The following TTLL10 variants were observed in gnomAD, a reference collection of about 807,000 sequenced individuals.
TTLL10 encodes tubulin tyrosine ligase like 10.
In TTLL10, 61 loss-of-function variants were observed where a neutral mutation model predicts 69.0. The ratio of observed to expected loss-of-function variants is 0.88; its 90% CI spans 0.72 to 1.09. The LOEUF (loss-of-function observed/expected upper bound fraction) is 1.09, where lower values mean the gene tolerates loss of function less well. Ranked by LOEUF, TTLL10 falls within the 50% of genes least tolerant of loss-of-function variation. The pLI, the probability that TTLL10 is intolerant of heterozygous loss-of-function variation, is 0.00. For synonymous variants in TTLL10, 408 were observed against 393.3 expected, an observed-to-expected ratio of 1.04 and a Z score of -0.44; for missense variants, 962 against 945.9, an observed-to-expected ratio of 1.02 and a Z score of -0.22.
rs558964318 is a variant in TTLL10 at position 1,197,195 on chromosome 1, C to T, written c.1612+9C>T. 32 of 1,548,464 alleles carry T rather than the reference C, an allele frequency of 2.1e-5. 1 individual carries two copies. In the South Asian group the frequency reaches 2.7e-4, roughly 13 times the overall value. ...GGTCATCGAGACCCTGGGTGAGCCT[C>T]CAAGCCCCCACCCCACACCCCCACA... On this transcript the variant is annotated intron_variant, in intron 15 of 15. Transcript: ENST00000379289.
At position 1,180,514 on chromosome 1, in the gene TTLL10, C is replaced by T. The variant is rs1026734125; in HGVS notation, c.538C>T (p.Gln180Ter). The T allele has an allele frequency of 5.2e-6, 8 of 1,552,526 alleles. No individual in the cohort carries two copies. The African/African-American group carries it at 6.8e-5, about 13-fold the overall frequency. Residue 180 changes from glutamine to a stop codon, truncating the protein, a stop_gained, in exon 7 of 16, where the codon CAG (glutamine) becomes TAG (stop). Transcript: ENST00000379289. LOFTEE classifies it high-confidence loss of function. ...ISSYCKSKGW[Q>*]RIHDSRRDDY... ...CTCCTACTGCAAAAGCAAGGGCTGGCAGCGCATCCATGACAGCCGCCGGGA... is the reference window on the plus strand; with the variant it reads ...CTCCTACTGCAAAAGCAAGGGCTGGTAGCGCATCCATGACAGCCGCCGGGA...
chr1:1,180,212 T>G lies in TTLL10; in HGVS notation c.378T>G (p.Asp126Glu). Residue 126 changes from aspartate to glutamate, a missense_variant, in exon 6 of 16, where the codon GAT (aspartate) becomes GAG (glutamate). Physicochemically the swap from Asp to Glu is conservative, Grantham distance 45 (BLOSUM62 2). Coordinates refer to ENST00000379289, the MANE Select transcript of TTLL10 (RefSeq NM_001130045.2). The part of the protein sequence containing the change: ...LLNSHRPADS[D>E]DTNAAGPSAA... ...ACAGCCACCGGCCTGCAGACTCGGA[T>G]GACACTAACGCCGCCGGGCCCTCAG... The G allele has an allele frequency of 1.2e-6, 2 of 1,610,858 alleles. No homozygotes were observed. Among genetic ancestry groups the G allele is most frequent in the Non-Finnish European group, 8.5e-7 (1 of 1,179,244 alleles).
Position 1,183,029 on chromosome 1 carries a change from A to T in TTLL10, c.1070A>T (p.Gln357Leu). ...CACAAGACGCCGTTCCGGGGGCCTCAGGCGCGGGTGGTGCAGAGGTGCGGC... is the reference window on the plus strand; with the variant it reads ...CACAAGACGCCGTTCCGGGGGCCTCTGGCGCGGGTGGTGCAGAGGTGCGGC... ...IHHKTPFRGP[Q>L]ARVVQRYIQN... The change falls in exon 11 of 16, where the codon CAG becomes CTG. Residue 357 changes from glutamine (Q) to leucine (L), a missense_variant. Transcript: ENST00000379289. 1 of 1,607,362 alleles carries T rather than the reference A, an allele frequency of 6.2e-7. No individual in the cohort carries two copies. Among genetic ancestry groups the T allele is most frequent in the Non-Finnish European group, 8.5e-7 (1 of 1,177,510 alleles).
chr1:1,193,022 A>G (rs1284033903), intron 13 of TTLL10, among the ~76,000 whole-genome samples: 1 of 152,112 alleles, frequency 6.6e-6, no homozygotes, highest in Admixed American at 6.5e-5. Context: ...ATTCACTTAC[A>G]TTTAATATAA....
At position 1,191,073 on chromosome 1, in the gene TTLL10, G is replaced by A. The variant is rs572761092; in HGVS notation, c.1402-5527G>A. ...TTGAACTCCTGACCTCAGGTGATCC[G>A]CCTGCCAAAGTGCTGGGATTATAGG... On this transcript the variant is annotated intron_variant, in intron 13 of 15. Transcript: ENST00000379289. 9.2e-5 allele frequency among the ~76,000 whole-genome samples: 14 copies of A among 152,258 alleles called. No homozygotes were observed. The East Asian group carries it at 1.2e-3, about 13-fold the overall frequency.
intron 13 of TTLL10, among the ~76,000 whole-genome samples, chr1:1,188,150 A>G (rs1007300264): frequency 5.3e-5 from 8 of 150,280 alleles, no homozygotes; most frequent in Admixed American, 1.3e-4. Context: ...TCAAAAACCA[A>G]TTGACCAGAG....
Position 1,185,908 on chromosome 1 carries a change from T to C in TTLL10, c.1401+799T>C, listed in dbSNP as rs192672290. 4.8e-3 allele frequency: 4,093 copies of C among 848,206 alleles called. 17 individuals carry two copies. The highest frequency in any genetic ancestry group is 5.6e-3 in the Non-Finnish European group (3,919 of 704,762). 52.5% of individuals were successfully genotyped at this position (848,206 alleles called of 1,614,324 possible). On this transcript the variant is annotated intron_variant, in intron 13 of 15. Transcript: ENST00000379289. The surrounding 1 kb of genome is among the most constrained non-coding windows in gnomAD (Gnocchi z 6.1). ...TTTAGTATTTCAAAAGTTGTGCAAT[T>C]ATCACCACCAATTCCAGAACATTTC...
intron 13 of TTLL10, among the ~76,000 whole-genome samples, chr1:1,186,414 G>A (rs11260549): frequency 0.14 from 21,082 of 152,136 alleles, 2,561 homozygotes; most frequent in East Asian, 0.57. Flanking sequence ...ACAACGTTCC[G>A]TCATATGGAT....
In TTLL10 at chr1:1,187,591, C is replaced by T. The variant is rs1446172408; in HGVS notation, c.1401+2482C>T. Among the ~76,000 whole-genome samples, 6 of 152,168 alleles carry T rather than the reference C, an allele frequency of 3.9e-5. No homozygotes were observed. In the South Asian group the frequency reaches 1.0e-3, roughly 26 times the overall value. ...GTAGCTGTGAGCCAAGATCGTGCCA[C>T]TGCACTCTAGCCTGGGCAACAGAGC... On this transcript the variant is annotated intron_variant, in intron 13 of 15. Coordinates refer to ENST00000379289, the MANE Select transcript of TTLL10 (RefSeq NM_001130045.2).
chr1:1,196,433 G>C (rs1333113202), intron 13 of TTLL10, 167 bp from the exon 14 acceptor site: 1 of 612,788 alleles, frequency 1.6e-6, no homozygotes, highest in South Asian at 1.8e-5. Context: ...GTGAGTTTCT[G>C]GCTGTGAACC....
intron 13 of TTLL10, among the ~76,000 whole-genome samples, chr1:1,187,696 G>T (rs1413097651): frequency 6.6e-6 from 1 of 152,108 alleles, no homozygotes; most frequent in East Asian, 1.9e-4. Flanking sequence ...CCTGAGGTCA[G>T]GAGTTTGAGA....
intron 6 of TTLL10, 48 bp downstream of exon 6, chr1:1,180,388 C>T: frequency 6.5e-7 from 1 of 1,540,732 alleles, no homozygotes; most frequent in Non-Finnish European, 8.8e-7. Context: ...TACCCACCGC[C>T]TGCTCCCGGG....
chr1:1,183,049 T>TGCG lies in TTLL10; in HGVS notation c.1088+10_1088+12dup. ...GCCTCAGGCGCGGGTGGTGCAGAGG[T>TGCG]GCGGCGGCGGGTGCCCGGAGGGGTG... On this transcript the variant is annotated splice_region_variant and intron_variant, in intron 11 of 15. Coordinates refer to ENST00000379289, the MANE Select transcript of TTLL10 (RefSeq NM_001130045.2). 6.3e-7 allele frequency: 1 copy of TGCG among 1,594,534 alleles called. No individual in the cohort carries two copies. Among genetic ancestry groups the TGCG allele is most frequent in the Non-Finnish European group, 8.5e-7 (1 of 1,171,108 alleles).
Position 1,185,410 on chromosome 1 carries a change from T to G in TTLL10, c.1401+301T>G. On this transcript the variant is annotated intron_variant, in intron 13 of 15. Coordinates refer to ENST00000379289, the MANE Select transcript of TTLL10 (RefSeq NM_001130045.2). This position sits in a 1 kb window ranked among gnomAD's most constrained non-coding sequence, Gnocchi z 6.1. The stretch of plus-strand genomic sequence containing the variant: ...CTCGGCTTCAGTGACAGCCACCATG[T>G]GAAGAGTCTTTGTTCCTTTCAGATC... The G allele has an allele frequency of 8.0e-7, 1 of 1,257,780 alleles. No homozygotes were observed. The highest frequency in any genetic ancestry group is 1.5e-5 in the African/African-American group (1 of 64,750). 77.9% of individuals were successfully genotyped at this position (1,257,780 alleles called of 1,614,324 possible). A position where few individuals can be genotyped will look rare whatever the true frequency, so the allele number is the denominator to read the frequency against.
rs1030516663 is a variant in TTLL10 at position 1,182,251 on chromosome 1, G to A, written c.831-110G>A. 6 of 928,474 alleles carry A rather than the reference G, an allele frequency of 6.5e-6. No homozygotes were observed. The Admixed American group carries it at 7.2e-5, about 11-fold the overall frequency. The allele number at this position is 928,474 out of a possible 1,614,324, so 57.5% of individuals were successfully genotyped here. ...CAAGGAGAACGGCCGCGGGCGCCAG[G>A]TGCCACTGCCCACACTCCCTCCCGC... On this transcript the variant is annotated intron_variant, in intron 9 of 15. Coordinates refer to ENST00000379289, the MANE Select transcript of TTLL10 (RefSeq NM_001130045.2).
rs370141909 is a variant in TTLL10, at chr1:1,180,774, C to G, written c.669C>G (p.Thr223=). ...LYQLPNNKLL[T]TKIGLLSTLR... ...AGCTTCCCAACAACAAGCTCCTCAC[C>G]ACCAAGATCGGGCTGCTCAGCACCC... The change falls in exon 8 of 16, where the codon ACC becomes ACG. Residue 223 remains threonine, a synonymous_variant. Transcript: ENST00000379289. 1.2e-5 allele frequency: 20 copies of G among 1,608,662 alleles called. No homozygotes were observed. In the African/African-American group the frequency reaches 2.1e-4, roughly 17 times the overall value.
chr1:1,180,165 C>G lies in TTLL10; in HGVS notation c.331C>G (p.Pro111Ala), dbSNP rs1309159947. 6.2e-7 allele frequency: 1 copy of G among 1,611,116 alleles called. No individual in the cohort carries two copies. The highest frequency in any genetic ancestry group is 2.2e-5 in the East Asian group (1 of 44,834). The change falls in exon 6 of 16, where the codon CCC becomes GCC. Residue 111 changes from proline (P) to alanine (A), a missense_variant. Coordinates refer to ENST00000379289, the MANE Select transcript of TTLL10 (RefSeq NM_001130045.2). ...LEGAERASAT[P>A]GPPGLLNSHR... is the part of the protein sequence containing the mutation. ...GGGGGCAGAAAGAGCCTCTGCCACA[C>G]CCGGACCCCCTGGGCTCCTGAACAG...
intron 13 of TTLL10, among the ~76,000 whole-genome samples, chr1:1,186,568 G>C (rs1369792436): frequency 6.6e-6 from 1 of 152,096 alleles, no homozygotes; most frequent in Admixed American, 6.5e-5. Context: ...ATGGAGTCGT[G>C]GGTCACAGGG....
chr1:1,182,345 C>T lies in TTLL10; in HGVS notation c.831-16C>T. On this transcript the variant is annotated splice_polypyrimidine_tract_variant and intron_variant, in intron 9 of 15. Transcript: ENST00000379289. ...GAAGGGACAGCAGCTCATCCTCCTG[C>T]CTCCCTGCCCTGCAGGGTCCTGAGA... The T allele has an allele frequency of 1.2e-6, 2 of 1,609,330 alleles. No homozygotes were observed. The highest frequency in any genetic ancestry group is 1.7e-6 in the Non-Finnish European group (2 of 1,175,886).
Sources: allele counts gnomAD v4.1 joint callset (sites outside exome capture counted in the v4.1 genomes callset), GRCh38; gene constraint gnomAD v4.1.1; non-coding constraint Gnocchi (gnomAD v3.1); transcripts MANE v1.5; gene names NCBI Gene and HGNC (gene_info 2026-07-23, HGNC 2026-07-21).